Variants in TEX10 observed in about 807,000 individuals in gnomAD.
TEX10 encodes the protein testis-expressed protein 10.
In TEX10, 24 loss-of-function variants were observed where a neutral mutation model predicts 104.4. That is an observed-to-expected ratio of 0.23 (90% CI 0.17 to 0.32). The LOEUF (loss-of-function observed/expected upper bound fraction) is 0.32, where lower values mean the gene tolerates loss of function less well. Among genes scored for constraint, TEX10 ranks in the 10% least tolerant of loss-of-function variants. The pLI, the probability that TEX10 is intolerant of heterozygous loss-of-function variation, is 1.00. For synonymous variants in TEX10, 396 were observed against 393.4 expected (o/e 1.01, Z -0.08); for missense variants, 921 against 1,083.9 (o/e 0.85, Z 2.11).
rs754066009 is a variant in TEX10, at chr9:100,302,140, A to AATAAG, written c.*46_*50dup. On this transcript the variant is annotated 3_prime_UTR_variant, in exon 15 of 15. Coordinates refer to ENST00000374902, the MANE Select transcript of TEX10 (RefSeq NM_017746.4). ...TCTATTACATCAGTCTTTTTCTTCA[A>AATAAG]ATAAGATAGATGTGAATAAACAACT... The AATAAG allele has an allele frequency of 5.3e-6, 6 of 1,125,776 alleles. No homozygotes were observed. The highest frequency in any genetic ancestry group is 4.7e-5 in the African/African-American group (3 of 63,972). 69.7% of individuals were successfully genotyped at this position (1,125,776 alleles called of 1,614,324 possible).
At chr9:100,324,405 A>C (rs1588173720) in intron 9 of TEX10, among the ~76,000 whole-genome samples, 1 of 152,278 alleles carries the variant, frequency 6.6e-6, no homozygotes, top group Non-Finnish European at 1.5e-5. Flanking sequence ...AAAAGTCCTA[A>C]TTTTGTATTC....
At chr9:100,330,960 G>C (rs866385946) in intron 5 of TEX10, among the ~76,000 whole-genome samples, 1 of 152,016 alleles carries the variant, frequency 6.6e-6, no homozygotes, top group Non-Finnish European at 1.5e-5. Flanking sequence ...TACAAAAAAT[G>C]AAAGTAAAAT....
At chr9:100,321,252 T>C (rs1330070659) in intron 10 of TEX10, among the ~76,000 whole-genome samples, 1 of 152,222 alleles carries the variant, frequency 6.6e-6, no homozygotes, top group African/African-American at 2.4e-5. Context: ...ATTGGATCTG[T>C]CAAGTTCTTT....
chr9:100,320,435 C>A (rs1398443654), intron 10 of TEX10, 37 bp from the exon 11 acceptor site: 6 of 1,537,586 alleles, frequency 3.9e-6, no homozygotes, highest in Admixed American at 2.1e-5. Flanking sequence ...TTTAAAAAAA[C>A]AAAAAACAAA....
In TEX10 at chr9:100,313,037, A is replaced by C. The variant is rs1182392593; in HGVS notation, c.2203-2658T>G. Among the ~76,000 whole-genome samples the C allele has an allele frequency of 6.6e-5, 10 of 152,310 alleles. No individual in the cohort carries two copies. In the East Asian group the frequency reaches 1.9e-3, roughly 29 times the overall value. On this transcript the variant is annotated intron_variant, in intron 11 of 14. Transcript: ENST00000374902. ...AGTAAATAAATTCATTGGTATACCA[A>C]CAACAACAACAAAAGATTAGGTTGT...
chr9:100,352,737 G>C (rs577364476), intron 1 of TEX10, 35 bp downstream of exon 1: 6 of 1,189,180 alleles, frequency 5.0e-6, no homozygotes, highest in South Asian at 5.7e-5. Flanking sequence ...CCCGCGCCCC[G>C]GGAGGACCCG....
intron 5 of TEX10, among the ~76,000 whole-genome samples, chr9:100,339,500 T>C (rs1342243752): frequency 2.0e-5 from 3 of 151,626 alleles, no homozygotes; most frequent in Non-Finnish European, 4.4e-5. Flanking sequence ...AGTGCATGAA[T>C]GAAAAACTCT....
At position 100,302,181 on chromosome 9, in the gene TEX10, T is replaced by C. The variant is rs376447766; in HGVS notation, c.*10A>G. On this transcript the variant is annotated 3_prime_UTR_variant, in exon 15 of 15. Transcript: ENST00000374902. ...ATAAACAACTTCAAACAGGAGGTACTATGGCCTCTTCAATACACTGTAGCC... is the reference window on the plus strand; with the variant it reads ...ATAAACAACTTCAAACAGGAGGTACCATGGCCTCTTCAATACACTGTAGCC... 2 of 1,516,352 alleles carry C rather than the reference T, an allele frequency of 1.3e-6. No individual in the cohort carries two copies. The highest frequency in any genetic ancestry group is 1.8e-6 in the Non-Finnish European group (2 of 1,109,364). 93.9% of individuals were successfully genotyped at this position (1,516,352 alleles called of 1,614,324 possible). A position where few individuals can be genotyped will look rare whatever the true frequency, so the allele number is the denominator to read the frequency against.
chr9:100,338,624 C>T (rs1835072645), intron 5 of TEX10, among the ~76,000 whole-genome samples: 1 of 152,148 alleles, frequency 6.6e-6, no homozygotes, highest in South Asian at 2.1e-4. Flanking sequence ...GGCACGGTAG[C>T]TCACACCTGT....
chr9:100,321,645 GTTTTT>G, intron 10 of TEX10, 33 bp downstream of exon 10: 1 of 1,526,062 alleles, frequency 6.6e-7, no homozygotes. Flanking sequence ...TTCATATTAG[GTTTTT>G]TCTTTTTTAA....
chr9:100,321,122 A>T (rs1834560780), intron 10 of TEX10, among the ~76,000 whole-genome samples: 1 of 152,192 alleles, frequency 6.6e-6, no homozygotes, highest in South Asian at 2.1e-4. Context: ...CTTTCTGACA[A>T]CTACTATTAA....
At chr9:100,347,734 A>G (rs1231818206) in intron 2 of TEX10, among the ~76,000 whole-genome samples, 1 of 152,178 alleles carries the variant, frequency 6.6e-6, no homozygotes, top group Non-Finnish European at 1.5e-5. Flanking sequence ...TGGAAGGTGT[A>G]TATATATACT....
chr9:100,322,384 T>G (rs1010091381), intron 9 of TEX10, among the ~76,000 whole-genome samples: 1 of 152,290 alleles, frequency 6.6e-6, no homozygotes. Flanking sequence ...GTTCCTCCTA[T>G]GAGATCAGTT....
intron 11 of TEX10, 72 bp from the exon 12 acceptor site, chr9:100,310,451 T>A: frequency 7.2e-7 from 1 of 1,388,142 alleles, no homozygotes; most frequent in South Asian, 1.2e-5. Context: ...ACAGATTCTT[T>A]TTTTTGAGAC....
chr9:100,330,415 T>G (rs1834828100), intron 5 of TEX10, among the ~76,000 whole-genome samples: 1 of 152,184 alleles, frequency 6.6e-6, no homozygotes, highest in Non-Finnish European at 1.5e-5. Context: ...CAAGGTGCTA[T>G]TCACACAAAA....
At chr9:100,306,272 A>G (rs1174763487) in intron 13 of TEX10, 1 of 152,170 alleles carries the variant, frequency 6.6e-6, no homozygotes, top group Non-Finnish European at 1.5e-5. Flanking sequence ...AAAATTAATA[A>G]TAACTTTCCA....
chr9:100,338,870 AAC>A (rs1239876133), intron 5 of TEX10, among the ~76,000 whole-genome samples: 1 of 152,026 alleles, frequency 6.6e-6, no homozygotes, highest in African/African-American at 2.4e-5. Context: ...CAGCCTGGGC[AAC>A]AGAGTGAGAC....
At chr9:100,341,520 T>C (rs75869042) in intron 4 of TEX10, among the ~76,000 whole-genome samples, 4 of 48,718 alleles carry the variant, frequency 8.2e-5, no homozygotes, top group East Asian at 0.013. Flanking sequence ...GGCATCATCC[T>C]TGACTCCTCT....
chr9:100,321,845 T>C, intron 9 of TEX10, 74 bp from the exon 10 acceptor site: 2 of 1,082,796 alleles, frequency 1.8e-6, no homozygotes, highest in Non-Finnish European at 2.8e-6. Flanking sequence ...GCACAGTATA[T>C]AACCATTGTT....
Sources: gnomAD v4.1 joint callset for allele counts (sites outside exome capture counted in the v4.1 genomes callset) on GRCh38, gnomAD v4.1.1 for gene constraint, MANE v1.5 for transcripts, NCBI Gene and HGNC (gene_info 2026-07-23, HGNC 2026-07-21) for gene names.